TCF7L1: variants seen among roughly 807,000 people sequenced by gnomAD.
The protein encoded by TCF7L1 is transcription factor 7 like 1, also known as transcription factor 7-like 1.
Under a neutral mutation model 63.7 loss-of-function variants are expected in TCF7L1, and 18 were observed. The observed-to-expected ratio is 0.28, with a 90% CI of 0.20 to 0.42. The LOEUF (loss-of-function observed/expected upper bound fraction) is 0.42, where lower values mean the gene tolerates loss of function less well. TCF7L1 is among the 10% of genes least tolerant of loss of function. The pLI is 1.00. For synonymous variants in TCF7L1, 355 were observed against 340.9 expected (o/e 1.04, Z -0.46); for missense variants, 654 against 779.3 (o/e 0.84, Z 1.91).
Position 85,286,077 on chromosome 2 carries a change from A to G in TCF7L1, c.525+2499A>G, listed in dbSNP as rs112976373. Among the ~76,000 whole-genome samples the G allele has an allele frequency of 3.9e-4, 59 of 151,756 alleles. 2 individuals carry two copies. Among genetic ancestry groups the G allele is most frequent in the African/African-American group, 1.4e-3 (56 of 41,336 alleles). ...ATGGTGGCGCATACCTGTAATCTCA[A>G]CTACTCAGGAGGCTGAGGCAGGAGA... On this transcript the variant is annotated intron_variant, in intron 4 of 11. Coordinates refer to ENST00000282111, the MANE Select transcript of TCF7L1 (RefSeq NM_031283.3).
chr2:85,203,446 A>G lies in TCF7L1; in HGVS notation c.441+68996A>G, dbSNP rs148745847. Among the ~76,000 whole-genome samples the G allele has an allele frequency of 6.1e-3, 935 of 152,246 alleles. 13 individuals carry two copies. Among genetic ancestry groups the G allele is most frequent in the African/African-American group, 0.02 (845 of 41,542 alleles). ...ATACCATAGAAGAAAATATATTCCAATCAGACATGGTGGCTCACGCCTGTA... is the reference window on the plus strand; with the variant it reads ...ATACCATAGAAGAAAATATATTCCAGTCAGACATGGTGGCTCACGCCTGTA... On this transcript the variant is annotated intron_variant, in intron 3 of 11. Coordinates refer to ENST00000282111, the MANE Select transcript of TCF7L1 (RefSeq NM_031283.3).
At chr2:85,242,796 A>T (rs982222814) in intron 3 of TCF7L1, among the ~76,000 whole-genome samples, 4 of 151,764 alleles carry the variant, frequency 2.6e-5, no homozygotes, top group African/African-American at 9.7e-5. Flanking sequence ...CCTTCAAGAA[A>T]TCTCCCCAGG....
At chr2:85,304,832 G>A (rs1682069733) in intron 7 of TCF7L1, among the ~76,000 whole-genome samples, 1 of 152,102 alleles carries the variant, frequency 6.6e-6, no homozygotes, top group African/African-American at 2.4e-5. Flanking sequence ...CTGAAGCTAG[G>A]GACTGGGAGA....
At chr2:85,201,646 C>G (rs1010262706) in intron 3 of TCF7L1, among the ~76,000 whole-genome samples, 7 of 152,098 alleles carry the variant, frequency 4.6e-5, no homozygotes, top group Admixed American at 4.6e-4. Context: ...GTTGCGTGGT[C>G]ACTTTATGTT....
intron 3 of TCF7L1, among the ~76,000 whole-genome samples, chr2:85,185,945 G>A (rs2568204): frequency 0.43 from 64,253 of 148,158 alleles, 15,078 homozygotes; most frequent in African/African-American, 0.6. Context: ...TCCCAGTCAG[G>A]AGACAACACA....
At chr2:85,172,926 C>T (rs775074881) in intron 3 of TCF7L1, among the ~76,000 whole-genome samples, 1 of 152,178 alleles carries the variant, frequency 6.6e-6, no homozygotes, top group African/African-American at 2.4e-5. Flanking sequence ...TTGGTCATTG[C>T]CCGTCTCCAC....
chr2:85,197,180 G>A (rs762228788), intron 3 of TCF7L1, among the ~76,000 whole-genome samples: 1 of 152,188 alleles, frequency 6.6e-6, no homozygotes, highest in Non-Finnish European at 1.5e-5. Context: ...CAGGGCCGAG[G>A]AAGGTAGATC....
At chr2:85,241,221 GC>G (rs1680312316) in intron 3 of TCF7L1, among the ~76,000 whole-genome samples, 1 of 152,060 alleles carries the variant, frequency 6.6e-6, no homozygotes. Flanking sequence ...AGCAGTTTTT[GC>G]TCTCTTTCTT....
At chr2:85,221,850 A>G (rs1378131377) in intron 3 of TCF7L1, among the ~76,000 whole-genome samples, 1 of 152,132 alleles carries the variant, frequency 6.6e-6, no homozygotes, top group Non-Finnish European at 1.5e-5. Context: ...CTCTAGATCT[A>G]ATTATTAATT....
In TCF7L1 at chr2:85,146,646, C is replaced by T. The variant is rs1397870722; in HGVS notation, c.441+12196C>T. 5.3e-5 allele frequency among the ~76,000 whole-genome samples: 8 copies of T among 151,804 alleles called. No individual in the cohort carries two copies. The South Asian group carries it at 1.2e-3, about 24-fold the overall frequency. On this transcript the variant is annotated intron_variant, in intron 3 of 11. Transcript: ENST00000282111. ...CCTCCTGAGTAGCTGGGACTACAGGCGCCTGCCACCACGCCTGGCTAATTT... is the reference window on the plus strand; with the variant it reads ...CCTCCTGAGTAGCTGGGACTACAGGTGCCTGCCACCACGCCTGGCTAATTT...
chr2:85,283,655 C>A, intron 4 of TCF7L1, 77 bp downstream of exon 4: 1 of 1,455,524 alleles, frequency 6.9e-7, no homozygotes, highest in Non-Finnish European at 9.6e-7. Context: ...TCTGCCATCA[C>A]GCTGAAGCAG....
At chr2:85,296,848 T>C (rs1291125941) in intron 4 of TCF7L1, among the ~76,000 whole-genome samples, 1 of 152,176 alleles carries the variant, frequency 6.6e-6, no homozygotes, top group East Asian at 1.9e-4. Context: ...CTACAAATAG[T>C]GTTTCTAAAG....
intron 3 of TCF7L1, among the ~76,000 whole-genome samples, chr2:85,208,961 C>T (rs1036196448): frequency 6.6e-6 from 1 of 152,178 alleles, no homozygotes; most frequent in African/African-American, 2.4e-5. Context: ...TTTTTCTCTG[C>T]ATCTGTTGTA....
chr2:85,191,556 G>A (rs925321945), intron 3 of TCF7L1, among the ~76,000 whole-genome samples: 2 of 152,210 alleles, frequency 1.3e-5, no homozygotes, highest in African/African-American at 4.8e-5. Flanking sequence ...TCCTTGGCAC[G>A]TGACTCATGC....
chr2:85,277,801 C>G (rs1681310685), intron 3 of TCF7L1, among the ~76,000 whole-genome samples: 2 of 152,208 alleles, frequency 1.3e-5, no homozygotes, highest in South Asian at 2.1e-4. Context: ...GCTTTGTTTC[C>G]TCTGTTGCCC....
intron 4 of TCF7L1, among the ~76,000 whole-genome samples, chr2:85,297,996 C>T (rs116596126): frequency 0.051 from 7,625 of 150,796 alleles, 217 homozygotes; most frequent in Non-Finnish European, 0.061. Context: ...CTCCCTCTGT[C>T]GCTCAGGATG....
intron 3 of TCF7L1, among the ~76,000 whole-genome samples, chr2:85,259,691 A>G (rs1012827192): frequency 2.0e-5 from 3 of 152,232 alleles, no homozygotes; most frequent in African/African-American, 7.2e-5. Flanking sequence ...TCTTTTGGGA[A>G]AAACTTGGAT....
intron 3 of TCF7L1, among the ~76,000 whole-genome samples, chr2:85,263,291 G>A (rs1442719680): frequency 3.4e-5 from 5 of 147,716 alleles, no homozygotes; most frequent in African/African-American, 1.2e-4. Flanking sequence ...ATCGGGAACC[G>A]CTGGAGCTTT....
chr2:85,159,269 TCTC>T lies in TCF7L1; in HGVS notation c.441+24825_441+24827del, dbSNP rs1408899476. ...TACAGACCACCCCTCGAGCCTGTGT[TCTC>T]CTCCTGATGGTGCCCAGGCGCCCGG... On this transcript the variant is annotated intron_variant, in intron 3 of 11. Coordinates refer to ENST00000282111, the MANE Select transcript of TCF7L1 (RefSeq NM_031283.3). Among the ~76,000 whole-genome samples, 4 of 152,156 alleles carry T rather than the reference TCTC, an allele frequency of 2.6e-5. No homozygotes were observed. The East Asian group carries it at 7.8e-4, about 30-fold the overall frequency.
Sources: gnomAD v4.1 joint callset for allele counts (sites outside exome capture counted in the v4.1 genomes callset) on GRCh38, gnomAD v4.1.1 for gene constraint, MANE v1.5 for transcripts, NCBI Gene and HGNC (gene_info 2026-07-23, HGNC 2026-07-21) for gene names.